The following LRRC23 variants were observed in gnomAD, a reference collection of about 807,000 sequenced individuals.
LRRC23 encodes leucine rich repeat containing 23.
A neutral mutation model predicts 37.7 loss-of-function variants in LRRC23; 28 were observed. That is an observed-to-expected ratio of 0.74 (90% CI 0.55 to 1.02). LRRC23 has a LOEUF of 1.02. LRRC23 is among the 50% of genes least tolerant of loss of function. The probability of loss-of-function intolerance (pLI) is 0.00; values close to 1 mark genes in which losing one functional copy is unlikely to be tolerated. For synonymous variants in LRRC23, 161 were observed against 165.4 expected (o/e 0.97, Z 0.20); for missense variants, 377 against 413.2 (o/e 0.91, Z 0.76).
chr12:6,905,598 C>T lies in LRRC23; in HGVS notation c.-36C>T, dbSNP rs781929681. The stretch of plus-strand genomic sequence containing the variant: ...CTTCTTTTTCAGGAGGAGGACTGAG[C>T]TTATCTGACTCCAGAGCTTTCAGGA... On this transcript the variant is annotated 5_prime_UTR_variant, in exon 2 of 8. Transcript: ENST00000443597. 2 of 1,611,686 alleles carry T rather than the reference C, an allele frequency of 1.2e-6. No homozygotes were observed. The highest frequency in any genetic ancestry group is 2.2e-5 in the East Asian group (1 of 44,824).
At chr12:6,908,596 C>CAAAAAAA (rs61662814) in intron 5 of LRRC23, among the ~76,000 whole-genome samples, 5 of 31,082 alleles carry the variant, frequency 1.6e-4, no homozygotes, top group Admixed American at 4.9e-4. Context: ...GACTCCATCT[C>CAAAAAAA]AAAAAAAAAA....
chr12:6,905,538 T>A, intron 1 of LRRC23, 47 bp from the exon 2 acceptor site: 1 of 1,267,590 alleles, frequency 7.9e-7, no homozygotes. Flanking sequence ...TCAATGACGA[T>A]GAAGGAGCTG....
chr12:6,912,207 T>A (rs138088430), intron 6 of LRRC23, among the ~76,000 whole-genome samples: 45 of 152,210 alleles, frequency 3.0e-4, no homozygotes, highest in African/African-American at 1.0e-3. Context: ...TGGAGTGCAG[T>A]GGCTCGATCT....
intron 5 of LRRC23, among the ~76,000 whole-genome samples, chr12:6,908,556 C>T (rs1174316572): frequency 3.0e-5 from 4 of 131,210 alleles, no homozygotes; most frequent in Non-Finnish European, 6.2e-5. Context: ...GAGATCACGC[C>T]ACTGCAATCC....
chr12:6,911,746 G>A (rs1010849808), intron 6 of LRRC23, among the ~76,000 whole-genome samples: 13 of 152,270 alleles, frequency 8.5e-5, no homozygotes, highest in African/African-American at 2.6e-4. Flanking sequence ...GGTGGCTCAC[G>A]CCTGTAATCC....
chr12:6,908,622 C>CAAAAGAA (rs1565552999), intron 5 of LRRC23, among the ~76,000 whole-genome samples: 1 of 65,708 alleles, frequency 1.5e-5, no homozygotes, highest in Non-Finnish European at 3.2e-5. Flanking sequence ...AAAAAAAAAC[C>CAAAAGAA]AAAGAAAAAC....
Position 6,910,041 on chromosome 12 carries a change from C to T in LRRC23, c.758+15C>T. On this transcript the variant is annotated intron_variant, in intron 6 of 7. Coordinates refer to ENST00000443597, the MANE Select transcript of LRRC23 (RefSeq NM_001135217.2). ...CTCAACCTGAGGTATGCACCCTCTC[C>T]AAGCCCCACCTTGCCCCTACCCCTG... The T allele has an allele frequency of 6.3e-7, 1 of 1,597,784 alleles. No homozygotes were observed. Among genetic ancestry groups the T allele is most frequent in the Non-Finnish European group, 8.5e-7 (1 of 1,171,980 alleles).
rs1326522414 is a variant in LRRC23, at chr12:6,912,898, G to C, written c.927G>C (p.Glu309Asp). The change falls in exon 7 of 8, where the codon GAG becomes GAC. Residue 309 changes from glutamate to aspartate, a missense_variant. Physicochemically the swap from Glu to Asp is conservative, Grantham distance 45. Around this residue, in one of 3 missense-constraint regions of LRRC23, gnomAD observed 266 missense variants for 285.6 expected, o/e 0.93. Transcript: ENST00000443597. ...LERLDKEFYE[E>D]EERAEADVIR... ...GCCTGGACAAGGAATTCTATGAGGAGGAGGAACGGGCTGAGGCTGATGTGA... is the reference window on the plus strand; with the variant it reads ...GCCTGGACAAGGAATTCTATGAGGACGAGGAACGGGCTGAGGCTGATGTGA... 6.2e-7 allele frequency: 1 copy of C among 1,614,040 alleles called. No individual in the cohort carries two copies. The highest frequency in any genetic ancestry group is 8.5e-7 in the Non-Finnish European group (1 of 1,180,028).
intron 5 of LRRC23, among the ~76,000 whole-genome samples, chr12:6,909,162 A>AT (rs1945057028): frequency 3.8e-4 from 1 of 2,622 alleles, no homozygotes; most frequent in Non-Finnish European, 5.2e-4. Context: ...TATATTATAT[A>AT]TAAAATATAT....
chr12:6,912,880 C>T lies in LRRC23; in HGVS notation c.909C>T (p.Asp303=). 1 of 1,614,002 alleles carries T rather than the reference C, an allele frequency of 6.2e-7. No homozygotes were observed. The highest frequency in any genetic ancestry group is 8.5e-7 in the Non-Finnish European group (1 of 1,179,992). Reference sequence around the variant, plus strand: ...AGATGCCATACCTTGAACGCCTGGACAAGGAATTCTATGAGGAGGAGGAAC... The same window carrying T: ...AGATGCCATACCTTGAACGCCTGGATAAGGAATTCTATGAGGAGGAGGAAC... ...LVQMPYLERL[D]KEFYEEEERA... Residue 303 remains aspartate, a synonymous_variant, in exon 7 of 8, where the codon GAC becomes GAT. Coordinates refer to ENST00000443597, the MANE Select transcript of LRRC23 (RefSeq NM_001135217.2).
chr12:6,905,589 A>T lies in LRRC23; in HGVS notation c.-45A>T. On this transcript the variant is annotated 5_prime_UTR_variant, in exon 2 of 8. Transcript: ENST00000443597. ...TGATGAGACCTTCTTTTTCAGGAGG[A>T]GGACTGAGCTTATCTGACTCCAGAG... 6.2e-7 allele frequency: 1 copy of T among 1,605,578 alleles called. No individual in the cohort carries two copies. Among genetic ancestry groups the T allele is most frequent in the Non-Finnish European group, 8.5e-7 (1 of 1,174,472 alleles).
intron 6 of LRRC23, 78 bp downstream of exon 6, chr12:6,910,104 C>T (rs543542743): frequency 1.8e-5 from 25 of 1,387,326 alleles, no homozygotes; most frequent in Non-Finnish European, 2.4e-5. Flanking sequence ...CTTCCCTGGC[C>T]CAATCCCCCA....
chr12:6,910,317 T>A (rs1591643020), intron 6 of LRRC23, among the ~76,000 whole-genome samples: 1 of 152,070 alleles, frequency 6.6e-6, no homozygotes, highest in Non-Finnish European at 1.5e-5. Flanking sequence ...GGCATGGTGG[T>A]TCATGCCTGT....
In LRRC23 at chr12:6,912,750, T is replaced by A; in HGVS notation, c.779T>A (p.Leu260Gln). 1 of 1,613,940 alleles carries A rather than the reference T, an allele frequency of 6.2e-7. No homozygotes were observed. Among genetic ancestry groups the A allele is most frequent in the Non-Finnish European group, 8.5e-7 (1 of 1,179,974 alleles). ...GGCAGGGGCAACATGGTGGCCAACCTGGGGGAGCTGGCCAAGCTTCGAGAC... is the reference window on the plus strand; with the variant it reads ...GGCAGGGGCAACATGGTGGCCAACCAGGGGGAGCTGGCCAAGCTTCGAGAC... ...LNLRGNMVANLGELAKLRDLP... is the reference protein window; with the variant it reads ...LNLRGNMVANQGELAKLRDLP... Residue 260 changes from leucine to glutamine, a missense_variant, in exon 7 of 8, where the codon CTG becomes CAG. Physicochemically the swap from Leu to Gln is moderately radical, Grantham distance 113. This residue lies in a region of LRRC23 where 266 missense variants were observed against 285.6 expected (regional missense o/e 0.93). Coordinates refer to ENST00000443597, the MANE Select transcript of LRRC23 (RefSeq NM_001135217.2).
chr12:6,913,166 T>G (rs1591646987), intron 7 of LRRC23, 139 bp downstream of exon 7: 3 of 897,142 alleles, frequency 3.3e-6, no homozygotes, highest in East Asian at 5.1e-5. Flanking sequence ...AGAGGAGGGT[T>G]AGGAGTCAGG....
At chr12:6,912,576 C>T (rs1379865004) in intron 6 of LRRC23, among the ~76,000 whole-genome samples, 154 bp from the exon 7 acceptor site, 8 of 152,158 alleles carry the variant, frequency 5.3e-5, no homozygotes, top group African/African-American at 1.9e-4. Context: ...TCACACAGCA[C>T]CTCTGCAGTA....
intron 6 of LRRC23, 132 bp downstream of exon 6, chr12:6,910,158 TTCCTTTCTTCTGCAC>T: frequency 1.2e-6 from 1 of 843,182 alleles, no homozygotes; most frequent in Non-Finnish European, 1.8e-6. Flanking sequence ...CCGGCTTTCC[TTCCTTTCTTCTGCAC>T]TGAGTTGCAA....
At position 6,907,616 on chromosome 12, in the gene LRRC23, A is replaced by C. The variant is rs934096044; in HGVS notation, c.621+171A>C. ...CTGTGGAGATACACAGCCACCTAGC[A>C]GGGCTGATAATATATAATGTGTGGA... On this transcript the variant is annotated intron_variant, in intron 5 of 7. Transcript: ENST00000443597. 3 of 707,492 alleles carry C rather than the reference A, an allele frequency of 4.2e-6. No individual in the cohort carries two copies. The East Asian group carries it at 8.1e-5, about 19-fold the overall frequency. 43.8% of individuals were successfully genotyped at this position (707,492 alleles called of 1,614,324 possible). A position where few individuals can be genotyped will look rare whatever the true frequency, so the allele number is the denominator to read the frequency against.
chr12:6,910,595 G>T (rs782323631), intron 6 of LRRC23, among the ~76,000 whole-genome samples: 1 of 152,244 alleles, frequency 6.6e-6, no homozygotes, highest in Non-Finnish European at 1.5e-5. Context: ...TGTAATCCCA[G>T]CTACTCAGGA....
Sources: allele counts gnomAD v4.1 joint callset (sites outside exome capture counted in the v4.1 genomes callset), GRCh38; gene constraint gnomAD v4.1.1; regional missense constraint gnomAD v4.1.1; transcripts MANE v1.5; gene names NCBI Gene and HGNC (gene_info 2026-07-23, HGNC 2026-07-21).